Variants in ARID1B observed in about 807,000 individuals in gnomAD.
ARID1B encodes the protein AT-rich interaction domain 1B, also known as AT-rich interactive domain-containing protein 1B.
A neutral mutation model predicts 212.3 loss-of-function variants in ARID1B; 30 were observed. That is an observed-to-expected ratio of 0.14 (90% CI 0.11 to 0.19). The LOEUF is 0.19. Among genes scored for constraint, ARID1B ranks in the 10% least tolerant of loss-of-function variants. The probability of loss-of-function intolerance (pLI) is 1.00; values close to 1 mark genes in which losing one functional copy is unlikely to be tolerated. For synonymous variants in ARID1B, 1,402 were observed against 1,301.7 expected, an observed-to-expected ratio of 1.08 and a Z score of -1.66; for missense variants, 2,891 against 3,204.0, an observed-to-expected ratio of 0.90 and a Z score of 2.36.
intron 2 of ARID1B, among the ~76,000 whole-genome samples, chr6:156,882,327 C>G (rs1187417116): frequency 2.0e-5 from 3 of 152,310 alleles, no homozygotes; most frequent in African/African-American, 7.2e-5. Flanking sequence ...CAGAATCTCC[C>G]TGTTTGCCCA....
At chr6:156,907,548 A>C (rs1789498983) in intron 3 of ARID1B, among the ~76,000 whole-genome samples, 1 of 152,178 alleles carries the variant, frequency 6.6e-6, no homozygotes, top group African/African-American at 2.4e-5. Context: ...TCAGAAATTC[A>C]TGAATTAGAC....
chr6:157,210,462 A>G lies in ARID1B; in HGVS notation c.*2571A>G, dbSNP rs1339254959. 1 of 232,022 alleles carries G rather than the reference A, an allele frequency of 4.3e-6. No individual in the cohort carries two copies. Among genetic ancestry groups the G allele is most frequent in the Admixed American group, 5.6e-5 (1 of 17,730 alleles). The allele number at this position is 232,022 out of a possible 1,614,324, so 14.4% of individuals were successfully genotyped here. A position where few individuals can be genotyped will look rare whatever the true frequency, so the allele number is the denominator to read the frequency against. The stretch of plus-strand genomic sequence containing the variant: ...GATACGCAGAGTCTGACCGTTGGGC[A>G]ACAAGTTTTTCTATCCTGATGCGCA... On this transcript the variant is annotated 3_prime_UTR_variant, in exon 20 of 20. Transcript: ENST00000636930.
At chr6:157,032,034 T>G (rs1781045426) in intron 4 of ARID1B, among the ~76,000 whole-genome samples, 1 of 152,170 alleles carries the variant, frequency 6.6e-6, no homozygotes. Flanking sequence ...TGACCTCAGG[T>G]GATCCTCCTG....
intron 1 of ARID1B, among the ~76,000 whole-genome samples, chr6:156,805,574 C>T (rs1251454262): frequency 1.3e-5 from 2 of 152,038 alleles, no homozygotes; most frequent in Admixed American, 6.6e-5. Context: ...TCTCAGAGGG[C>T]CTACAAGAAA....
chr6:157,143,947 G>A (rs1039465313), intron 7 of ARID1B, among the ~76,000 whole-genome samples: 23 of 152,170 alleles, frequency 1.5e-4, no homozygotes, highest in African/African-American at 5.6e-4. Context: ...TGGCCTAAGC[G>A]CCTTTCTAAG....
chr6:157,207,682 C>T lies in ARID1B; in HGVS notation c.6910C>T (p.His2304Tyr), dbSNP rs2128399020. ...CCAGCAGAGCCAGCACAACCTCATGCACATGCAGCCCCCGCCCCTGGAACC... is the reference window on the plus strand; with the variant it reads ...CCAGCAGAGCCAGCACAACCTCATGTACATGCAGCCCCCGCCCCTGGAACC... ...QYQQSQHNLM[H>Y]MQPPPLEPPS... is the part of the protein sequence containing the mutation. Residue 2304 changes from histidine (H) to tyrosine (Y), a missense_variant, in exon 20 of 20, where the codon CAC (histidine) becomes TAC (tyrosine). Transcript: ENST00000636930. The surrounding 1 kb of genome is among the most constrained non-coding windows in gnomAD (Gnocchi z 8.5). 1.9e-6 allele frequency: 3 copies of T among 1,610,698 alleles called. No homozygotes were observed. Among genetic ancestry groups the T allele is most frequent in the Non-Finnish European group, 8.5e-7 (1 of 1,177,126 alleles).
intron 1 of ARID1B, among the ~76,000 whole-genome samples, chr6:156,813,978 C>T (rs953157372): frequency 6.6e-6 from 1 of 152,174 alleles, no homozygotes; most frequent in Non-Finnish European, 1.5e-5. Flanking sequence ...GGATTCTTCA[C>T]GGTAGCCTGC....
chr6:157,017,872 T>C (rs1318238284), intron 4 of ARID1B, among the ~76,000 whole-genome samples: 1 of 147,780 alleles, frequency 6.8e-6, no homozygotes, highest in Non-Finnish European at 1.5e-5. Context: ...ATGCCTGAAA[T>C]CCCAGCACTT....
intron 2 of ARID1B, chr6:156,870,651 C>T (rs1562448524): frequency 1.3e-5 from 2 of 151,702 alleles, no homozygotes; most frequent in Non-Finnish European, 2.9e-5. Context: ...GTAACTTAGA[C>T]CTGGTGGGAA....
chr6:156,928,516 A>G (rs1452393790), intron 3 of ARID1B, among the ~76,000 whole-genome samples: 1 of 151,988 alleles, frequency 6.6e-6, no homozygotes, highest in Non-Finnish European at 1.5e-5. Context: ...AGTGCAAGGC[A>G]CTCTCTCCAG....
chr6:156,966,380 TCTTTTC>T (rs1476071789), intron 4 of ARID1B, among the ~76,000 whole-genome samples: 54 of 98,590 alleles, frequency 5.5e-4, no homozygotes, highest in African/African-American at 2.2e-3. Context: ...ACTTTTCTTT[TCTTTTC>T]TTTTTTTTTT....
At chr6:156,991,763 G>A (rs534782877) in intron 4 of ARID1B, among the ~76,000 whole-genome samples, 3 of 152,140 alleles carry the variant, frequency 2.0e-5, no homozygotes, top group Admixed American at 1.3e-4. Context: ...TATTCTAAAC[G>A]TCCTGAGTTT....
At chr6:156,916,107 A>G (rs1790332259) in intron 3 of ARID1B, among the ~76,000 whole-genome samples, 1 of 152,130 alleles carries the variant, frequency 6.6e-6, no homozygotes, top group Non-Finnish European at 1.5e-5. Context: ...TGGAATTAGG[A>G]TGGATCTAGG....
upstream of ARID1B, chr6:156,777,117 C>T (rs1778665768): frequency 6.6e-6 from 1 of 152,306 alleles, no homozygotes; most frequent in East Asian, 1.9e-4. Context: ...AACATGCGAA[C>T]GCCCGGTTGG....
At chr6:156,838,220 A>T (rs977345683) in intron 2 of ARID1B, among the ~76,000 whole-genome samples, 9 of 152,176 alleles carry the variant, frequency 5.9e-5, no homozygotes, top group African/African-American at 1.7e-4. Flanking sequence ...CCAAGTCAAG[A>T]TCTATAAAAC....
intron 2 of ARID1B, among the ~76,000 whole-genome samples, chr6:156,871,929 A>G (rs1786165641): frequency 1.3e-5 from 2 of 152,162 alleles, no homozygotes; most frequent in Admixed American, 1.3e-4. Context: ...CTGGTGGCTT[A>G]TGTATACTTA....
chr6:156,800,249 G>A (rs1780681634), intron 1 of ARID1B, among the ~76,000 whole-genome samples: 1 of 152,188 alleles, frequency 6.6e-6, no homozygotes, highest in East Asian at 1.9e-4. Context: ...AAATGGCTCT[G>A]TTCAGTATGG....
chr6:157,151,171 G>A (rs912239168), intron 8 of ARID1B: 1 of 152,300 alleles, frequency 6.6e-6, no homozygotes, highest in African/African-American at 2.4e-5. Flanking sequence ...CTGTGTCGAA[G>A]ACATGATGTC....
intron 4 of ARID1B, among the ~76,000 whole-genome samples, chr6:156,959,594 G>A (rs1356659247): frequency 1.3e-5 from 2 of 152,056 alleles, no homozygotes; most frequent in African/African-American, 2.4e-5. Flanking sequence ...AGGAGGATCA[G>A]GAGGGTTGTA....
Sources: allele counts gnomAD v4.1 joint callset (sites outside exome capture counted in the v4.1 genomes callset), GRCh38; gene constraint gnomAD v4.1.1; non-coding constraint Gnocchi (gnomAD v3.1); transcripts MANE v1.5; gene names NCBI Gene and HGNC (gene_info 2026-07-23, HGNC 2026-07-21).